The following MEI1 variants were observed in gnomAD, a reference collection of about 807,000 sequenced individuals.
MEI1 encodes the protein meiosis inhibitor protein 1.
A neutral mutation model predicts 146.2 loss-of-function variants in MEI1; 103 were observed. That is an observed-to-expected ratio of 0.70 (90% CI 0.60 to 0.83). MEI1 has a LOEUF of 0.83. Among genes scored for constraint, MEI1 ranks in the 40% least tolerant of loss-of-function variants. The pLI is 0.00. For missense variants in MEI1, 1,529 were observed against 1,533.0 expected, an observed-to-expected ratio of 1.00 and a Z score of 0.04; for synonymous variants, 652 against 628.2, an observed-to-expected ratio of 1.04 and a Z score of -0.57.
chr22:41,718,370 C>T, intron 6 of MEI1, 96 bp downstream of exon 6: 1 of 1,218,656 alleles, frequency 8.2e-7, no homozygotes, highest in Non-Finnish European at 1.2e-6. Context: ...GGGAAGTTTG[C>T]TGTTTTGCAA....
intron 15 of MEI1, 124 bp from the exon 16 acceptor site, chr22:41,752,467 A>G (rs1331796042): frequency 6.0e-6 from 5 of 838,646 alleles, no homozygotes; most frequent in Non-Finnish European, 9.9e-6. Flanking sequence ...ACAGTGGTGG[A>G]GTACATTTTG....
intron 19 of MEI1, among the ~76,000 whole-genome samples, chr22:41,768,390 CAAA>C (rs11323279): frequency 2.0e-4 from 25 of 125,676 alleles, no homozygotes; most frequent in Non-Finnish European, 1.7e-4. Flanking sequence ...CCCTGTCTCC[CAAA>C]AAAAAAAAAA....
At chr22:41,721,791 G>A (rs1469744541) in intron 6 of MEI1, among the ~76,000 whole-genome samples, 2 of 130,926 alleles carry the variant, frequency 1.5e-5, no homozygotes, top group Admixed American at 8.6e-5. Context: ...CACGATCTCA[G>A]CTCACTGCAA....
chr22:41,702,172 C>G (rs2068759152), intron 1 of MEI1, among the ~76,000 whole-genome samples: 1 of 152,318 alleles, frequency 6.6e-6, no homozygotes, highest in Middle Eastern at 3.4e-3. Context: ...GATGGTTTCG[C>G]TCTCGTTGCC....
rs1024859780 is a variant in MEI1 at position 41,795,127 on chromosome 22, G to A, written c.3535-284G>A. 2.0e-5 allele frequency among the ~76,000 whole-genome samples: 3 copies of A among 152,190 alleles called. No individual in the cohort carries two copies. The highest frequency in any genetic ancestry group is 6.5e-5 in the Admixed American group (1 of 15,274). On this transcript the variant is annotated intron_variant, in intron 28 of 30. Transcript: ENST00000401548. This position sits in a 1 kb window ranked among gnomAD's most constrained non-coding sequence, Gnocchi z 4.2. ...TGGTGGTATGTCAGGGGAGCCACACGTAGTTCATTTTGGCCATGAGTGTTC... is the reference window on the plus strand; with the variant it reads ...TGGTGGTATGTCAGGGGAGCCACACATAGTTCATTTTGGCCATGAGTGTTC...
At chr22:41,714,110 G>A in intron 4 of MEI1, 35 bp downstream of exon 4, 1 of 1,552,862 alleles carries the variant, frequency 6.4e-7, no homozygotes, top group Non-Finnish European at 8.8e-7. Flanking sequence ...GAGTCTCTCA[G>A]AATCCTCAGA....
rs115410206 is a variant in MEI1 at position 41,717,942 on chromosome 22, A to G, written c.530-129A>G. ...GGTTTTGCCTTTAGATTAAGCATGC[A>G]GAAAGCATTTTTTGTGGGGGATTAT... On this transcript the variant is annotated intron_variant, in intron 5 of 30. Transcript: ENST00000401548. The G allele has an allele frequency of 1.6e-3, 1,256 of 777,226 alleles. 14 individuals are homozygous for G. The African/African-American group carries it at 0.021, about 13-fold the overall frequency. The allele number at this position is 777,226 out of a possible 1,614,324, so 48.1% of individuals were successfully genotyped here.
In MEI1 at chr22:41,746,038, T is replaced by C. The variant is rs576049487; in HGVS notation, c.1680+12T>C. 3.8e-6 allele frequency: 6 copies of C among 1,574,170 alleles called. No individual in the cohort carries two copies. Among genetic ancestry groups the C allele is most frequent in the African/African-American group, 1.3e-5 (1 of 74,140 alleles). ...TCCCCATGGTGATGGTGGGTTCTCC[T>C]GAGCCACGGGCAACATGAAGCTTGG... On this transcript the variant is annotated intron_variant, in intron 14 of 30. Coordinates refer to ENST00000401548, the MANE Select transcript of MEI1 (RefSeq NM_152513.4).
Position 41,744,590 on chromosome 22 carries a change from C to T in MEI1, c.1447-383C>T, listed in dbSNP as rs796524640. 1.5e-4 allele frequency among the ~76,000 whole-genome samples: 4 copies of T among 26,848 alleles called. 2 individuals carry two copies. The highest frequency in any genetic ancestry group is 2.7e-4 in the Non-Finnish European group (4 of 14,830). The allele number at this position is 26,848 out of a possible 152,430, so 17.6% of individuals were successfully genotyped here. On this transcript the variant is annotated intron_variant, in intron 12 of 30. Transcript: ENST00000401548. ...TCGGCTCACTGCAAGCTCCGCCTCC[C>T]GGGTTCACGCCATTCTCCTGCCTCA...
At chr22:41,700,939 CTTTTTTT>C (rs530432136) in intron 1 of MEI1, among the ~76,000 whole-genome samples, 152 of 129,612 alleles carry the variant, frequency 1.2e-3, no homozygotes, top group African/African-American at 4.2e-3. Context: ...TTCTTTCTTT[CTTTTTTT>C]TTTTTTTTTT....
In MEI1 at chr22:41,770,880, TG is replaced by T; in HGVS notation, c.2466del (p.Gln823SerfsTer8). 1 of 1,614,062 alleles carries T rather than the reference TG, an allele frequency of 6.2e-7. No individual in the cohort carries two copies. The highest frequency in any genetic ancestry group is 8.5e-7 in the Non-Finnish European group (1 of 1,179,906). On this transcript the variant is annotated frameshift_variant, in exon 20 of 31. Transcript: ENST00000401548. LOFTEE classifies it high-confidence loss of function. ...YEELDDVTSAGQPALPASLVV... is the reference protein window; with the variant it reads ...YEELDDVTSAXQPALPASLVV... ...AGGAACTGGATGATGTCACCTCTGC[TG>T]GGCAGCCCGCCCTTCCTGCCAGCTT...
chr22:41,795,471 G>C lies in MEI1; in HGVS notation c.3595G>C (p.Gly1199Arg). The change falls in exon 29 of 31, where the codon GGT becomes CGT. Residue 1199 changes from glycine (G) to arginine (R), a missense_variant. By Grantham distance (125) the Gly-to-Arg change is moderately radical (BLOSUM62 -2). This residue lies in a region of MEI1 where 313 missense variants were observed against 337.3 expected (regional missense o/e 0.93). Transcript: ENST00000401548. The surrounding 1 kb of genome is among the most constrained non-coding windows in gnomAD (Gnocchi z 4.2). ...TGAAGAGGTGGGTGATGTTCTGCAA[G>C]GTGTGGCTTTGGCTGACCTGTCTAC... The part of the protein sequence containing the change: ...SHEEVGDVLQ[G>R]VALADLSTLS... 6.2e-7 allele frequency: 1 copy of C among 1,613,784 alleles called. No homozygotes were observed. Among genetic ancestry groups the C allele is most frequent in the African/African-American group, 1.3e-5 (1 of 74,948 alleles).
chr22:41,708,066 T>C (rs886385282), intron 3 of MEI1, among the ~76,000 whole-genome samples: 2 of 152,230 alleles, frequency 1.3e-5, no homozygotes, highest in Admixed American at 6.5e-5. Context: ...GACTAAGCCA[T>C]TGTCAATTTG....
chr22:41,795,341 C>T lies in MEI1; in HGVS notation c.3535-70C>T, dbSNP rs1238693681. On this transcript the variant is annotated intron_variant, in intron 28 of 30. Transcript: ENST00000401548. The surrounding 1 kb of genome is among the most constrained non-coding windows in gnomAD (Gnocchi z 4.2). ...AGGACAGTGTCTCCTAAAGTTGGGG[C>T]ACAGCAGTTGTCTATGATGAAGGAG... 1.3e-6 allele frequency: 2 copies of T among 1,585,934 alleles called. No homozygotes were observed. Among genetic ancestry groups the T allele is most frequent in the Non-Finnish European group, 1.7e-6 (2 of 1,163,314 alleles).
At chr22:41,749,295 G>A (rs1448576705) in intron 15 of MEI1, among the ~76,000 whole-genome samples, 1 of 147,468 alleles carries the variant, frequency 6.8e-6, no homozygotes, top group East Asian at 2.0e-4. Flanking sequence ...TTTTTTTTGA[G>A]ACAGAGTTTA....
chr22:41,732,206 G>C (rs1364379301), intron 9 of MEI1, 39 bp from the exon 10 acceptor site: 6 of 1,505,894 alleles, frequency 4.0e-6, no homozygotes, highest in Non-Finnish European at 5.5e-6. Flanking sequence ...GAACAAGAGA[G>C]CACTGATCCC....
In MEI1 at chr22:41,749,605, T is replaced by C. The variant is rs563912668; in HGVS notation, c.1792+1387T>C. 5.9e-5 allele frequency among the ~76,000 whole-genome samples: 9 copies of C among 152,300 alleles called. 1 individual carries two copies. In the East Asian group the frequency reaches 1.2e-3, roughly 20 times the overall value. On this transcript the variant is annotated intron_variant, in intron 15 of 30. Coordinates refer to ENST00000401548, the MANE Select transcript of MEI1 (RefSeq NM_152513.4). ...TTTGGATTTTATCCTAGGAGTTTTG[T>C]TGAGTTTTAAAGAAGTGGAGTAACA...
chr22:41,766,544 T>A (rs552520888), intron 19 of MEI1, among the ~76,000 whole-genome samples: 1 of 151,804 alleles, frequency 6.6e-6, no homozygotes, highest in African/African-American at 2.4e-5. Context: ...TTCATTTTAC[T>A]CAATATTATT....
rs560842979 is a variant in MEI1, at chr22:41,754,788, G to C, written c.1951+742G>C. Among the ~76,000 whole-genome samples, 371 of 152,314 alleles carry C rather than the reference G, an allele frequency of 2.4e-3. 2 individuals carry two copies. The highest frequency in any genetic ancestry group is 8.0e-3 in the African/African-American group (332 of 41,562). ...GACTCCATTCCAGGTGCTGGTGAAA[G>C]AGCCAGGGATACAAAGCCCTGCTGT... On this transcript the variant is annotated intron_variant, in intron 17 of 30. Transcript: ENST00000401548.
Sources: allele counts gnomAD v4.1 joint callset (sites outside exome capture counted in the v4.1 genomes callset), GRCh38; gene constraint gnomAD v4.1.1; regional missense constraint gnomAD v4.1.1; non-coding constraint Gnocchi (gnomAD v3.1); transcripts MANE v1.5; gene names NCBI Gene and HGNC (gene_info 2026-07-23, HGNC 2026-07-21).